The following ALG8 variants were observed in gnomAD, a reference collection of about 807,000 sequenced individuals.
ALG8 encodes the protein ALG8 alpha-1,3-glucosyltransferase.
A neutral mutation model predicts 70.2 loss-of-function variants in ALG8; 48 were observed. The observed-to-expected ratio is 0.68, with a 90% CI of 0.54 to 0.87. ALG8 has a LOEUF of 0.87. ALG8 is among the 40% of genes least tolerant of loss of function. The pLI, the probability that ALG8 is intolerant of heterozygous loss-of-function variation, is 0.00. For synonymous variants in ALG8, 234 were observed against 229.0 expected (o/e 1.02, Z -0.20); for missense variants, 572 against 608.7 (o/e 0.94, Z 0.64).
At chr11:78,125,405 A>G (rs1483539212) in intron 2 of ALG8, among the ~76,000 whole-genome samples, 1 of 151,718 alleles carries the variant, frequency 6.6e-6, no homozygotes, top group Non-Finnish European at 1.5e-5. Context: ...TCCATTTTAT[A>G]TATACATATA....
intron 2 of ALG8, among the ~76,000 whole-genome samples, chr11:78,126,955 A>G (rs1434569772): frequency 1.3e-5 from 2 of 151,586 alleles, no homozygotes; most frequent in African/African-American, 4.9e-5. Context: ...ATTTTTATAA[A>G]GATTAATTAG....
intron 9 of ALG8, 89 bp downstream of exon 9, chr11:78,109,353 G>A (rs1860179460): frequency 6.5e-7 from 1 of 1,542,164 alleles, no homozygotes. Context: ...TCCTACAGTT[G>A]GAAGAGCTTG....
At chr11:78,129,820 C>T (rs1042326902) in intron 1 of ALG8, among the ~76,000 whole-genome samples, 1 of 152,052 alleles carries the variant, frequency 6.6e-6, no homozygotes. Context: ...ACATATAGCT[C>T]TTTGTGACCC....
chr11:78,114,634 T>C (rs956109513), intron 5 of ALG8: 45 of 541,584 alleles, frequency 8.3e-5, no homozygotes, highest in African/African-American at 6.3e-4. Context: ...ACAACTTTTC[T>C]GGAAAGCTAA....
chr11:78,111,346 G>C (rs113184535), intron 8 of ALG8, among the ~76,000 whole-genome samples: 10,096 of 152,218 alleles, frequency 0.066, 1,107 homozygotes, highest in African/African-American at 0.23. Context: ...TTTTGCTTCT[G>C]TTCCTCACAA....
chr11:78,118,610 A>G (rs1276380184), intron 5 of ALG8, among the ~76,000 whole-genome samples: 1 of 79,862 alleles, frequency 1.3e-5, no homozygotes. Context: ...AGCGAGACTC[A>G]TTCTCAAAAA....
chr11:78,104,612 T>C, intron 10 of ALG8, 159 bp from the exon 11 acceptor site: 1 of 651,480 alleles, frequency 1.5e-6, no homozygotes, highest in South Asian at 1.9e-5. Context: ...AATTTTTTAG[T>C]AGGAAATTTT....
intron 6 of ALG8, 23 bp downstream of exon 6, chr11:78,114,243 T>C (rs753787032): frequency 6.2e-7 from 1 of 1,613,886 alleles, no homozygotes; most frequent in South Asian, 1.1e-5. Flanking sequence ...GAAAATGTTT[T>C]TGCTATTATT....
intron 9 of ALG8, among the ~76,000 whole-genome samples, chr11:78,108,877 T>C (rs1477204749): frequency 6.6e-6 from 1 of 152,214 alleles, no homozygotes; most frequent in African/African-American, 2.4e-5. Flanking sequence ...ACTAAAATTA[T>C]ACCATGAAAT....
chr11:78,111,217 C>T (rs966734446), intron 8 of ALG8, among the ~76,000 whole-genome samples: 6 of 152,138 alleles, frequency 3.9e-5, no homozygotes, highest in African/African-American at 1.4e-4. Flanking sequence ...ACTTTTAGCC[C>T]CCTGAGGTAC....
At chr11:78,110,867 T>C (rs1860255527) in intron 8 of ALG8, among the ~76,000 whole-genome samples, 1 of 152,180 alleles carries the variant, frequency 6.6e-6, no homozygotes, top group African/African-American at 2.4e-5. Context: ...TAAAACAAAG[T>C]TGTCTAACTC....
intron 5 of ALG8, among the ~76,000 whole-genome samples, chr11:78,118,070 CA>C (rs10710282): frequency 0.62 from 68,602 of 111,382 alleles, 17,850 homozygotes; most frequent in African/African-American, 0.74. Context: ...GACTCCGTCT[CA>C]AAAAAAAAAA....
chr11:78,117,038 T>C (rs1860605541), intron 5 of ALG8, among the ~76,000 whole-genome samples: 2 of 152,214 alleles, frequency 1.3e-5, no homozygotes, highest in Non-Finnish European at 2.9e-5. Flanking sequence ...TTCTAATTAC[T>C]ATGAAGCTTT....
intron 1 of ALG8, among the ~76,000 whole-genome samples, chr11:78,127,802 C>T (rs1277844353): frequency 1.3e-5 from 2 of 151,696 alleles, no homozygotes; most frequent in Non-Finnish European, 2.9e-5. Context: ...TGCCGCCCCC[C>T]GGGTTCACGC....
At chr11:78,114,741 G>T in intron 5 of ALG8, 1 of 444,882 alleles carries the variant, frequency 2.2e-6, no homozygotes, top group South Asian at 1.6e-5. Flanking sequence ...CGACGTGGAA[G>T]GATTGCTTGA....
At chr11:78,121,203 A>G (rs748126939) in intron 3 of ALG8, 29 bp from the exon 4 acceptor site, 1 of 1,511,068 alleles carries the variant, frequency 6.6e-7, no homozygotes. Flanking sequence ...AAAGAAACAG[A>G]AACAACTTTG....
Position 78,115,118 on chromosome 11 carries a change from C to T in ALG8, c.547-726G>A, listed in dbSNP as rs190520746. ...CACAATCCTGACTCACTGCAGCCTCCGCCTCCTCGGTTCAAGCAATTCTCC... is the reference window on the plus strand; with the variant it reads ...CACAATCCTGACTCACTGCAGCCTCTGCCTCCTCGGTTCAAGCAATTCTCC... On this transcript the variant is annotated intron_variant, in intron 5 of 12. Transcript: ENST00000299626. Among the ~76,000 whole-genome samples the T allele has an allele frequency of 1.0e-3, 156 of 152,242 alleles. No homozygotes were observed. The East Asian group carries it at 0.016, about 16-fold the overall frequency.
At position 78,109,442 on chromosome 11, in the gene ALG8, C is replaced by T. The variant is rs2136891387; in HGVS notation, c.1038G>A (p.Leu346=). 4 of 1,614,054 alleles carry T rather than the reference C, an allele frequency of 2.5e-6. No individual in the cohort carries two copies. The highest frequency in any genetic ancestry group is 2.5e-6 in the Non-Finnish European group (3 of 1,179,988). The change falls in exon 9 of 13, where the codon TTG becomes TTA. Residue 346 remains leucine (L), a splice_region_variant and synonymous_variant. Transcript: ENST00000299626. ...TGAGCACCATCTGTTGAGTTCTTAC[C>T]AATATGGCAATCAGTGTGCAGATGA... ...ATLICTLIAI[L]PSIFCLWFKP...
In ALG8 at chr11:78,107,230, T is replaced by G. The variant is rs11825396; in HGVS notation, c.1039-284A>C. On this transcript the variant is annotated intron_variant, in intron 9 of 12. Transcript: ENST00000299626. ...ATATATATATATATATATAATTTTT[T>G]GTTTTTTTGAGACGGAGTCTCGCTT... Among the ~76,000 whole-genome samples the G allele has an allele frequency of 1, 143,314 of 143,492 alleles. 71,568 individuals carry two copies. The highest frequency in any genetic ancestry group is 1 in the Middle Eastern group (266 of 266). 94.1% of individuals were successfully genotyped at this position (143,492 alleles called of 152,430 possible).
Sources: allele counts gnomAD v4.1 joint callset (sites outside exome capture counted in the v4.1 genomes callset), GRCh38; gene constraint gnomAD v4.1.1; transcripts MANE v1.5; gene names NCBI Gene and HGNC (gene_info 2026-07-23, HGNC 2026-07-21).